The following KCNQ5 variants were observed in gnomAD, a reference collection of about 807,000 sequenced individuals.
The protein encoded by KCNQ5 is potassium voltage-gated channel subfamily Q member 5.
A neutral mutation model predicts 98.2 loss-of-function variants in KCNQ5; 30 were observed. That is an observed-to-expected ratio of 0.31 (90% CI 0.23 to 0.41). KCNQ5 has a LOEUF of 0.41. Among genes scored for constraint, KCNQ5 ranks in the 10% least tolerant of loss-of-function variants. KCNQ5 has a pLI of 1.00. For missense variants in KCNQ5, 835 were observed against 1,182.5 expected, an observed-to-expected ratio of 0.71 and a Z score of 4.31; for synonymous variants, 458 against 449.4, an observed-to-expected ratio of 1.02 and a Z score of -0.24.
intron 1 of KCNQ5, among the ~76,000 whole-genome samples, chr6:72,663,389 T>C (rs112156836): frequency 3.7e-4 from 57 of 152,318 alleles, no homozygotes; most frequent in African/African-American, 1.3e-3. Context: ...TCATATTTGG[T>C]ATTTTGCCCC....
At chr6:73,009,770 T>C (rs939040902) in intron 2 of KCNQ5, among the ~76,000 whole-genome samples, 2 of 152,114 alleles carry the variant, frequency 1.3e-5, no homozygotes, top group African/African-American at 2.4e-5. Context: ...ACATTGGAAA[T>C]CTAGATGAAA....
At chr6:72,931,348 T>A (rs146073855) in intron 1 of KCNQ5, among the ~76,000 whole-genome samples, 1 of 152,338 alleles carries the variant, frequency 6.6e-6, no homozygotes, top group Non-Finnish European at 1.5e-5. Flanking sequence ...TATATTTTTC[T>A]TGACTATTAA....
intron 1 of KCNQ5, among the ~76,000 whole-genome samples, chr6:72,713,729 C>G (rs1769492029): frequency 6.6e-6 from 1 of 152,160 alleles, no homozygotes; most frequent in African/African-American, 2.4e-5. Context: ...GGTTCTTTGT[C>G]TTAGAGAGGG....
At chr6:72,822,205 C>T (rs1562005364) in intron 1 of KCNQ5, among the ~76,000 whole-genome samples, 1 of 152,156 alleles carries the variant, frequency 6.6e-6, no homozygotes, top group Non-Finnish European at 1.5e-5. Flanking sequence ...CCTAAGAATG[C>T]AACTCCCAGG....
At chr6:72,920,034 G>C (rs145194229) in intron 1 of KCNQ5, among the ~76,000 whole-genome samples, 1 of 152,270 alleles carries the variant, frequency 6.6e-6, no homozygotes, top group African/African-American at 2.4e-5. Context: ...AGGCACAGTG[G>C]CTCAAGCCTG....
In KCNQ5 at chr6:73,169,768, T is replaced by C; in HGVS notation, c.1491T>C (p.Asp497=). 1 of 1,613,374 alleles carries C rather than the reference T, an allele frequency of 6.2e-7. No homozygotes were observed. The highest frequency in any genetic ancestry group is 1.7e-4 in the Middle Eastern group (1 of 6,060). Residue 497 remains aspartate (D), a synonymous_variant, in exon 11 of 14, where the codon GAT becomes GAC. Transcript: ENST00000370398. The part of the protein sequence containing the change: ...VIDADTALGT[D]DVYDEKGCQC... ...CAGCTGACACAGCCCTTGGCACTGA[T>C]GATGTATATGATGAAAAAGGATGCC...
chr6:72,923,327 A>G (rs1156375927), intron 1 of KCNQ5, among the ~76,000 whole-genome samples: 2 of 152,126 alleles, frequency 1.3e-5, no homozygotes, highest in Non-Finnish European at 2.9e-5. Context: ...GTTTTCCATA[A>G]TGGCTGTAAT....
chr6:72,844,024 G>A (rs987577286), intron 1 of KCNQ5, among the ~76,000 whole-genome samples: 8 of 152,160 alleles, frequency 5.3e-5, no homozygotes, highest in African/African-American at 1.9e-4. Flanking sequence ...GGGGCTATGG[G>A]AAGGATAGCA....
At chr6:72,929,798 A>G (rs1174442645) in intron 1 of KCNQ5, among the ~76,000 whole-genome samples, 3 of 152,162 alleles carry the variant, frequency 2.0e-5, no homozygotes, top group Admixed American at 2.0e-4. Context: ...TGTTAGATAT[A>G]ATTGTTGATG....
chr6:72,757,245 C>T (rs1772018269), intron 1 of KCNQ5, among the ~76,000 whole-genome samples: 1 of 152,070 alleles, frequency 6.6e-6, no homozygotes, highest in African/African-American at 2.4e-5. Flanking sequence ...ATCATAGCAG[C>T]AGTGAGTGAT....
chr6:72,636,617 T>C (rs999422984), intron 1 of KCNQ5, among the ~76,000 whole-genome samples: 1 of 152,212 alleles, frequency 6.6e-6, no homozygotes, highest in African/African-American at 2.4e-5. Context: ...AGTCATTGGC[T>C]ACATTTCTCA....
intron 1 of KCNQ5, among the ~76,000 whole-genome samples, chr6:72,949,824 C>G (rs1184929079): frequency 6.6e-6 from 1 of 152,196 alleles, no homozygotes; most frequent in Admixed American, 6.5e-5. Context: ...ATAACATTTC[C>G]CTTGCCCTTT....
intron 10 of KCNQ5, among the ~76,000 whole-genome samples, chr6:73,137,889 A>G (rs1159643549): frequency 6.6e-6 from 1 of 151,584 alleles, no homozygotes; most frequent in African/African-American, 2.4e-5. Context: ...CCCTCCCCCA[A>G]CCCCCACCAC....
chr6:72,995,976 C>A (rs1401382800), intron 1 of KCNQ5, among the ~76,000 whole-genome samples: 1 of 152,126 alleles, frequency 6.6e-6, no homozygotes, highest in South Asian at 2.1e-4. Flanking sequence ...TACCTTGTAA[C>A]GTGCAGAAAA....
intron 3 of KCNQ5, among the ~76,000 whole-genome samples, chr6:73,057,344 G>A (rs1010743548): frequency 1.3e-5 from 2 of 151,572 alleles, no homozygotes; most frequent in South Asian, 2.1e-4. Context: ...GGGGGGAAGG[G>A]GGGGAGGGAT....
At chr6:73,008,552 C>G (rs1447202337) in intron 2 of KCNQ5, among the ~76,000 whole-genome samples, 1 of 151,794 alleles carries the variant, frequency 6.6e-6, no homozygotes, top group Admixed American at 6.6e-5. Flanking sequence ...TTTAATACAA[C>G]AAGAAGATGT....
chr6:72,828,494 A>G (rs1302096925), intron 1 of KCNQ5, among the ~76,000 whole-genome samples: 1 of 152,018 alleles, frequency 6.6e-6, no homozygotes, highest in Admixed American at 6.6e-5. Flanking sequence ...GCTATTGTAA[A>G]TGAGATTGCC....
intron 1 of KCNQ5, among the ~76,000 whole-genome samples, chr6:72,721,295 C>A (rs1172749720): frequency 6.6e-6 from 1 of 151,624 alleles, no homozygotes; most frequent in Non-Finnish European, 1.5e-5. Context: ...CTTTTTTTTT[C>A]CTTTATGCTT....
intron 1 of KCNQ5, among the ~76,000 whole-genome samples, chr6:72,675,997 G>A (rs1038254237): frequency 5.9e-5 from 9 of 152,100 alleles, no homozygotes; most frequent in African/African-American, 2.2e-4. Context: ...CTATGTAACT[G>A]TTTAAGTAAA....
Sources: gnomAD v4.1 joint callset for allele counts (sites outside exome capture counted in the v4.1 genomes callset) on GRCh38, gnomAD v4.1.1 for gene constraint, MANE v1.5 for transcripts, NCBI Gene and HGNC (gene_info 2026-07-23, HGNC 2026-07-21) for gene names.